The following ZNF475 variants were observed in gnomAD, a reference collection of about 807,000 sequenced individuals.
ZNF475 encodes zinc finger protein 475.
chr5:122,167,155 C>G, the ZNF475 span, among the ~76,000 whole-genome samples: 1 of 152,176 alleles, frequency 6.6e-6, no homozygotes, highest in Non-Finnish European at 1.5e-5. Flanking sequence ...AGCCAAGAAA[C>G]TGGTCGGTTA....
chr5:122,173,872 G>C, the ZNF475 span, among the ~76,000 whole-genome samples: 1 of 152,200 alleles, frequency 6.6e-6, no homozygotes, highest in East Asian at 1.9e-4. Flanking sequence ...CTTGATGTTA[G>C]AAAAGTAATG....
At chr5:122,166,490 C>T in the ZNF475 span, among the ~76,000 whole-genome samples, 1 of 152,070 alleles carries the variant, frequency 6.6e-6, no homozygotes, top group Non-Finnish European at 1.5e-5. Context: ...TGCTATCTCC[C>T]CCTCCCCCAA....
At chr5:122,181,949 T>A in the ZNF475 span, among the ~76,000 whole-genome samples, 1 of 152,242 alleles carries the variant, frequency 6.6e-6, no homozygotes, top group Non-Finnish European at 1.5e-5. Flanking sequence ...TATCTGAGTT[T>A]ATGACCATGA....
chr5:122,177,782 C>T, the ZNF475 span, among the ~76,000 whole-genome samples: 1 of 151,896 alleles, frequency 6.6e-6, no homozygotes, highest in Admixed American at 6.6e-5. Context: ...TTCTGGGATA[C>T]GTGTGCAGAA....
At chr5:122,171,949 G>C in the ZNF475 span, among the ~76,000 whole-genome samples, 2 of 152,146 alleles carry the variant, frequency 1.3e-5, no homozygotes, top group African/African-American at 2.4e-5. Flanking sequence ...AGATTGCTCA[G>C]GCTCAGGCTG....
chr5:122,182,603 T>C, the ZNF475 span: 1 of 1,535,612 alleles, frequency 6.5e-7, no homozygotes, highest in Non-Finnish European at 8.7e-7. Context: ...ACAGACTGAT[T>C]GTTCACCAAC....
At chr5:122,166,223 G>GT in the ZNF475 span, among the ~76,000 whole-genome samples, 5 of 152,274 alleles carry the variant, frequency 3.3e-5, no homozygotes, top group East Asian at 9.6e-4. Context: ...AAAATCAACT[G>GT]TAGATGAGGA....
chr5:122,173,798 G>A, the ZNF475 span, among the ~76,000 whole-genome samples: 4 of 152,166 alleles, frequency 2.6e-5, no homozygotes, highest in African/African-American at 9.7e-5. Context: ...GATGAGCCCT[G>A]ATAGATTTTT....
chr5:122,165,944 G>C, the ZNF475 span, among the ~76,000 whole-genome samples: 1 of 152,172 alleles, frequency 6.6e-6, no homozygotes, highest in South Asian at 2.1e-4. Flanking sequence ...TCATCAAAAA[G>C]AACAGGCTTA....
the ZNF475 span, among the ~76,000 whole-genome samples, chr5:122,164,420 A>G: frequency 6.6e-6 from 1 of 152,252 alleles, no homozygotes; most frequent in Non-Finnish European, 1.5e-5. Flanking sequence ...AATCCAGAGT[A>G]TAAAGCCAAG....
chr5:122,179,696 A>G, the ZNF475 span: 2 of 1,527,288 alleles, frequency 1.3e-6, no homozygotes, highest in Non-Finnish European at 1.7e-6. Context: ...TAAGGAGACC[A>G]GTACCTAAAA....
the ZNF475 span, chr5:122,179,853 G>C: frequency 1.5e-6 from 1 of 661,950 alleles, no homozygotes; most frequent in African/African-American, 1.8e-5. Context: ...TTCTTGCCTT[G>C]GTTACAGACA....
At chr5:122,179,650 A>C in the ZNF475 span, 1 of 1,535,104 alleles carries the variant, frequency 6.5e-7, no homozygotes. Flanking sequence ...TGTCTGAAAA[A>C]ATGGCATAAT....
At chr5:122,166,472 T>C in the ZNF475 span, among the ~76,000 whole-genome samples, 1 of 152,122 alleles carries the variant, frequency 6.6e-6, no homozygotes, top group African/African-American at 2.4e-5. Context: ...ATTAGGTATA[T>C]CTCCTAATGC....
chr5:122,160,293 G>T, the ZNF475 span: 1 of 1,288,656 alleles, frequency 7.8e-7, no homozygotes, highest in Non-Finnish European at 1.0e-6. Flanking sequence ...CTACATTGTT[G>T]GCTCCAGAAG....
chr5:122,160,311 A>G, the ZNF475 span: 1 of 1,277,098 alleles, frequency 7.8e-7, no homozygotes, highest in Non-Finnish European at 1.0e-6. Flanking sequence ...AAGGCAACCC[A>G]AGGGAATTTG....
chr5:122,174,885 A>T, the ZNF475 span, among the ~76,000 whole-genome samples: 19 of 152,362 alleles, frequency 1.2e-4, no homozygotes, highest in East Asian at 3.7e-3. Context: ...GTAAATAAAC[A>T]TGTTAAAAAA....
the ZNF475 span, among the ~76,000 whole-genome samples, chr5:122,173,873 A>C: frequency 1.3e-5 from 2 of 152,230 alleles, no homozygotes; most frequent in African/African-American, 4.8e-5. Context: ...TTGATGTTAG[A>C]AAAGTAATGC....
At chr5:122,169,010 G>A in the ZNF475 span, among the ~76,000 whole-genome samples, 7 of 152,158 alleles carry the variant, frequency 4.6e-5, no homozygotes, top group South Asian at 4.1e-4. Context: ...AACATGTTGC[G>A]ACCTTCAACT....
Sources: gnomAD v4.1 joint callset for allele counts (sites outside exome capture counted in the v4.1 genomes callset) on GRCh38, gnomAD v4.1.1 for gene constraint, MANE v1.5 for transcripts, NCBI Gene and HGNC (gene_info 2026-07-23, HGNC 2026-07-21) for gene names.